The following PDZRN4 variants were observed in gnomAD, a reference collection of about 807,000 sequenced individuals.
PDZRN4 encodes the protein PDZ domain-containing RING finger protein 4.
PDZRN4 carries 70 observed loss-of-function variants against 99.0 expected under a neutral mutation model. The observed-to-expected ratio is 0.71, with a 90% CI of 0.58 to 0.86. The LOEUF (loss-of-function observed/expected upper bound fraction) is 0.86. PDZRN4 is among the 40% of genes least tolerant of loss of function. PDZRN4 has a pLI of 0.00. For synonymous variants in PDZRN4, 551 were observed against 501.6 expected (o/e 1.10, Z -1.32); for missense variants, 1,474 against 1,331.2 (o/e 1.11, Z -1.67).
intron 3 of PDZRN4, among the ~76,000 whole-genome samples, chr12:41,502,395 G>A (rs771663804): frequency 6.6e-6 from 1 of 152,006 alleles, no homozygotes; most frequent in Non-Finnish European, 1.5e-5. Flanking sequence ...TTTGGAAAAA[G>A]GCTCTTTTCC....
intron 3 of PDZRN4, among the ~76,000 whole-genome samples, chr12:41,197,690 G>GT (rs1198638672): frequency 6.6e-6 from 1 of 152,010 alleles, no homozygotes; most frequent in Admixed American, 6.6e-5. Flanking sequence ...AAAGCATGCT[G>GT]TTTTTCATTC....
intron 3 of PDZRN4, among the ~76,000 whole-genome samples, chr12:41,247,443 C>T (rs190166110): frequency 1.7e-4 from 26 of 152,244 alleles, no homozygotes; most frequent in African/African-American, 6.3e-4. Context: ...ACTCCACTGA[C>T]CATTGAAATT....
intron 3 of PDZRN4, among the ~76,000 whole-genome samples, chr12:41,497,153 A>C (rs548627122): frequency 1.3e-5 from 2 of 152,234 alleles, no homozygotes; most frequent in South Asian, 4.1e-4. Context: ...GATGGGACAA[A>C]AAAGATCTTG....
At chr12:41,379,198 T>G (rs1485578843) in intron 3 of PDZRN4, among the ~76,000 whole-genome samples, 1 of 151,504 alleles carries the variant, frequency 6.6e-6, no homozygotes, top group Non-Finnish European at 1.5e-5. Context: ...ATCAGTTATA[T>G]CTCCTCTTTC....
At chr12:41,501,026 A>G (rs1049410439) in intron 3 of PDZRN4, among the ~76,000 whole-genome samples, 2 of 152,164 alleles carry the variant, frequency 1.3e-5, no homozygotes, top group African/African-American at 4.8e-5. Flanking sequence ...TAGACTAACC[A>G]GGTACAGGAT....
intron 3 of PDZRN4, among the ~76,000 whole-genome samples, chr12:41,372,375 C>T (rs770075100): frequency 5.3e-5 from 8 of 152,030 alleles, no homozygotes; most frequent in African/African-American, 1.4e-4. Context: ...GCAAACTAGT[C>T]GGGTGGAAAT....
chr12:41,292,661 G>C (rs533984628), intron 3 of PDZRN4, among the ~76,000 whole-genome samples: 1 of 151,598 alleles, frequency 6.6e-6, no homozygotes, highest in Admixed American at 6.6e-5. Context: ...CTGGTAGCAT[G>C]AGACTTCTTT....
chr12:41,236,939 G>T lies in PDZRN4; in HGVS notation c.843+42751G>T, dbSNP rs11180403. Among the ~76,000 whole-genome samples the T allele has an allele frequency of 9.5e-3, 1,452 of 152,100 alleles. 20 individuals carry two copies. The highest frequency in any genetic ancestry group is 0.029 in the African/African-American group (1,208 of 41,502). ...TTATTGAAGAGGGGGCTCCAGAGAA[G>T]ATAGAAAATGTCTTTTTCATAATAT... On this transcript the variant is annotated intron_variant, in intron 3 of 9. Transcript: ENST00000402685.
At chr12:41,242,396 T>C (rs1298280131) in intron 3 of PDZRN4, among the ~76,000 whole-genome samples, 2 of 152,218 alleles carry the variant, frequency 1.3e-5, no homozygotes, top group Non-Finnish European at 2.9e-5. Context: ...TTACAAAATG[T>C]ATCTCAATAA....
intron 3 of PDZRN4, among the ~76,000 whole-genome samples, chr12:41,479,819 G>A (rs1232989492): frequency 2.6e-5 from 4 of 152,130 alleles, no homozygotes; most frequent in Non-Finnish European, 5.9e-5. Flanking sequence ...TTTAATTAAT[G>A]TATGCACATA....
chr12:41,243,086 CAA>C lies in PDZRN4; in HGVS notation c.843+48902_843+48903del, dbSNP rs1951110879. ...ACTTCTGCCTCCTGTATTTTTAGAT[CAA>C]AAAGTTTTTGAGTGTAGAGGAAAGC... On this transcript the variant is annotated intron_variant, in intron 3 of 9. Transcript: ENST00000402685. Among the ~76,000 whole-genome samples, 3 of 152,174 alleles carry C rather than the reference CAA, an allele frequency of 2.0e-5. No homozygotes were observed. The South Asian group carries it at 6.2e-4, about 32-fold the overall frequency.
At chr12:41,269,527 C>G (rs556309375) in intron 3 of PDZRN4, among the ~76,000 whole-genome samples, 2 of 152,130 alleles carry the variant, frequency 1.3e-5, no homozygotes, top group African/African-American at 4.8e-5. Context: ...CACTTCTGAT[C>G]TAAACTAAAT....
At chr12:41,390,359 A>G (rs1165073738) in intron 3 of PDZRN4, among the ~76,000 whole-genome samples, 2 of 151,964 alleles carry the variant, frequency 1.3e-5, no homozygotes, top group Non-Finnish European at 2.9e-5. Flanking sequence ...TTGCTATACC[A>G]TTTTATTTCC....
At chr12:41,215,354 G>A (rs547520467) in intron 3 of PDZRN4, among the ~76,000 whole-genome samples, 6 of 152,022 alleles carry the variant, frequency 3.9e-5, no homozygotes, top group South Asian at 4.2e-4. Context: ...TGTTAAAAAC[G>A]CAGATTCCAG....
At position 41,188,429 on chromosome 12, in the gene PDZRN4, G is replaced by A. The variant is rs369517124; in HGVS notation, c.-27G>A. On this transcript the variant is annotated 5_prime_UTR_variant, in exon 1 of 10. Coordinates refer to ENST00000402685, the MANE Select transcript of PDZRN4 (RefSeq NM_001164595.2). ...CTCGGAGAAGACGGACTCTGCTTTC[G>A]CTCCCCCTTTCTTCCCCATCCCTAA... 10 of 1,541,076 alleles carry A rather than the reference G, an allele frequency of 6.5e-6. No individual in the cohort carries two copies. The highest frequency in any genetic ancestry group is 1.4e-5 in the African/African-American group (1 of 71,652).
intron 3 of PDZRN4, among the ~76,000 whole-genome samples, chr12:41,477,506 A>G (rs1281498412): frequency 2.0e-5 from 3 of 152,166 alleles, no homozygotes; most frequent in Non-Finnish European, 2.9e-5. Context: ...GGATGGTGAA[A>G]AGGATGGATG....
chr12:41,345,987 T>C (rs774046411), intron 3 of PDZRN4, among the ~76,000 whole-genome samples: 1 of 152,146 alleles, frequency 6.6e-6, no homozygotes, highest in Non-Finnish European at 1.5e-5. Context: ...TTTTAGTGTT[T>C]ACTGGAGGAT....
At chr12:41,392,041 T>G (rs7960955) in intron 3 of PDZRN4, among the ~76,000 whole-genome samples, 1 of 151,938 alleles carries the variant, frequency 6.6e-6, no homozygotes, top group African/African-American at 2.4e-5. Flanking sequence ...AGAAACTTGT[T>G]TTTTGTAGTT....
rs188349919 is a variant in PDZRN4 at position 41,333,351 on chromosome 12, C to G, written c.843+139163C>G. ...AGCAGCTTCTCACTACCCTCACGACCGCCACCCCCAACTTGAACCTGGGTA... is the reference window on the plus strand; with the variant it reads ...AGCAGCTTCTCACTACCCTCACGACGGCCACCCCCAACTTGAACCTGGGTA... On this transcript the variant is annotated intron_variant, in intron 3 of 9. Coordinates refer to ENST00000402685, the MANE Select transcript of PDZRN4 (RefSeq NM_001164595.2). 2.0e-3 allele frequency among the ~76,000 whole-genome samples: 303 copies of G among 152,184 alleles called. 2 individuals carry two copies. Among genetic ancestry groups the G allele is most frequent in the African/African-American group, 7.0e-3 (289 of 41,536 alleles).
Sources: allele counts gnomAD v4.1 joint callset (sites outside exome capture counted in the v4.1 genomes callset), GRCh38; gene constraint gnomAD v4.1.1; transcripts MANE v1.5; gene names NCBI Gene and HGNC (gene_info 2026-07-23, HGNC 2026-07-21).